The following CLSTN2 variants were observed in gnomAD, a reference collection of about 807,000 sequenced individuals.
The protein encoded by CLSTN2 is calsyntenin 2.
Under a neutral mutation model 101.2 loss-of-function variants are expected in CLSTN2, and 48 were observed. The ratio of observed to expected loss-of-function variants is 0.47; its 90% CI spans 0.38 to 0.60. The LOEUF is 0.60. Ranked by LOEUF, CLSTN2 falls within the 20% of genes least tolerant of loss-of-function variation. The pLI, the probability that CLSTN2 is intolerant of heterozygous loss-of-function variation, is 0.00. For synonymous variants in CLSTN2, 481 were observed against 463.6 expected (o/e 1.04, Z -0.48); for missense variants, 1,160 against 1,238.2 (o/e 0.94, Z 0.95).
At chr3:140,228,187 A>AG (rs1248188575) in intron 2 of CLSTN2, among the ~76,000 whole-genome samples, 4 of 152,228 alleles carry the variant, frequency 2.6e-5, no homozygotes, top group African/African-American at 9.6e-5. Flanking sequence ...TGCCTTTAAC[A>AG]GCACCCAAGT....
chr3:140,127,775 A>T (rs2009459694), intron 1 of CLSTN2, among the ~76,000 whole-genome samples: 1 of 152,066 alleles, frequency 6.6e-6, no homozygotes, highest in Non-Finnish European at 1.5e-5. Flanking sequence ...TAAACCAGTT[A>T]ATATATATAA....
intron 6 of CLSTN2, among the ~76,000 whole-genome samples, chr3:140,459,047 A>G (rs534487897): frequency 1.3e-4 from 20 of 152,248 alleles, no homozygotes; most frequent in African/African-American, 4.1e-4. Context: ...CATTTTGTCA[A>G]CTTGCTGGCT....
intron 2 of CLSTN2, among the ~76,000 whole-genome samples, chr3:140,210,448 C>G (rs1413866245): frequency 6.6e-6 from 1 of 152,168 alleles, no homozygotes; most frequent in Non-Finnish European, 1.5e-5. Flanking sequence ...GTGTTTGTCA[C>G]CAATGAGCTA....
At chr3:140,122,263 A>G (rs555698989) in intron 1 of CLSTN2, among the ~76,000 whole-genome samples, 12 of 152,320 alleles carry the variant, frequency 7.9e-5, no homozygotes, top group African/African-American at 2.9e-4. Context: ...TTGTCAATGC[A>G]TCTTTAACAG....
chr3:140,074,686 CA>C (rs1266608089), intron 1 of CLSTN2, among the ~76,000 whole-genome samples: 1 of 152,172 alleles, frequency 6.6e-6, no homozygotes, highest in African/African-American at 2.4e-5. Context: ...GAGATTTGTA[CA>C]ATGTCACAAA....
intron 1 of CLSTN2, among the ~76,000 whole-genome samples, chr3:140,062,284 T>C (rs924336397): frequency 6.6e-6 from 1 of 152,176 alleles, no homozygotes; most frequent in Non-Finnish European, 1.5e-5. Context: ...AAGTCTCAGG[T>C]AGCAGCAAAA....
chr3:140,464,799 C>G (rs996641169), intron 7 of CLSTN2, among the ~76,000 whole-genome samples: 1 of 152,172 alleles, frequency 6.6e-6, no homozygotes, highest in African/African-American at 2.4e-5. Flanking sequence ...TCCCCAGAAG[C>G]AGTCCCGGGT....
intron 2 of CLSTN2, among the ~76,000 whole-genome samples, chr3:140,232,878 T>C (rs2086382886): frequency 1.3e-5 from 2 of 152,182 alleles, no homozygotes; most frequent in Admixed American, 1.3e-4. Context: ...ACTAGCTTAG[T>C]TCAGAACACC....
intron 1 of CLSTN2, among the ~76,000 whole-genome samples, chr3:140,132,954 A>G (rs1476232375): frequency 2.0e-5 from 3 of 152,228 alleles, no homozygotes; most frequent in Admixed American, 2.0e-4. Context: ...GGATATGCTC[A>G]TAGAATGTTT....
chr3:140,366,823 G>A (rs543741266), intron 2 of CLSTN2, among the ~76,000 whole-genome samples: 13 of 152,278 alleles, frequency 8.5e-5, no homozygotes, highest in East Asian at 3.9e-4. Context: ...CCCTTGTAGC[G>A]TCAGGGACCA....
At chr3:140,484,730 C>T (rs1934201709) in intron 8 of CLSTN2, among the ~76,000 whole-genome samples, 1 of 152,128 alleles carries the variant, frequency 6.6e-6, no homozygotes, top group African/African-American at 2.4e-5. Flanking sequence ...TCACTGATAC[C>T]CTTTCTTCCA....
At chr3:140,552,852 G>A (rs1298812397) in intron 10 of CLSTN2, among the ~76,000 whole-genome samples, 2 of 152,218 alleles carry the variant, frequency 1.3e-5, no homozygotes, top group Non-Finnish European at 1.5e-5. Context: ...TCTGCTATAG[G>A]AGGATGGTGC....
chr3:140,035,776 G>C (rs1018909934), intron 1 of CLSTN2, among the ~76,000 whole-genome samples: 8 of 152,302 alleles, frequency 5.3e-5, no homozygotes, highest in African/African-American at 1.9e-4. Flanking sequence ...TAGTATGGCT[G>C]TTAAGTCCCT....
At chr3:139,941,406 A>G (rs1252606346) in intron 1 of CLSTN2, among the ~76,000 whole-genome samples, 1 of 152,136 alleles carries the variant, frequency 6.6e-6, no homozygotes, top group East Asian at 1.9e-4. Context: ...TTTTCAGCCA[A>G]TTACTATTTC....
intron 1 of CLSTN2, among the ~76,000 whole-genome samples, chr3:140,117,825 G>A (rs1010539028): frequency 2.0e-5 from 3 of 152,126 alleles, no homozygotes; most frequent in Admixed American, 1.3e-4. Context: ...AGAGCTCAGG[G>A]CAGGCAGGCC....
chr3:140,058,043 G>A (rs916185448), intron 1 of CLSTN2, among the ~76,000 whole-genome samples: 1 of 152,040 alleles, frequency 6.6e-6, no homozygotes, highest in African/African-American at 2.4e-5. Context: ...CATTTCATTA[G>A]TAACCTGAAA....
chr3:139,989,136 A>G (rs914822083), intron 1 of CLSTN2, among the ~76,000 whole-genome samples: 21 of 152,176 alleles, frequency 1.4e-4, no homozygotes, highest in African/African-American at 5.1e-4. Flanking sequence ...AAAATGGTCA[A>G]GCTGGGTCTA....
chr3:139,977,486 G>T (rs1225709647), intron 1 of CLSTN2, among the ~76,000 whole-genome samples: 2 of 141,166 alleles, frequency 1.4e-5, no homozygotes, highest in African/African-American at 2.6e-5. Flanking sequence ...TAAAATAAGG[G>T]CATTAGCCAT....
At chr3:140,166,006 A>G (rs528623986) in intron 1 of CLSTN2, among the ~76,000 whole-genome samples, 53 of 152,228 alleles carry the variant, frequency 3.5e-4, no homozygotes, top group Non-Finnish European at 5.1e-4. Flanking sequence ...TGTGTTGCCT[A>G]CAGCCATCTG....
Sources: gnomAD v4.1 joint callset for allele counts (sites outside exome capture counted in the v4.1 genomes callset) on GRCh38, gnomAD v4.1.1 for gene constraint, MANE v1.5 for transcripts, NCBI Gene and HGNC (gene_info 2026-07-23, HGNC 2026-07-21) for gene names.